Variants in NOL4L observed in about 807,000 individuals in gnomAD.
The protein encoded by NOL4L is nucleolar protein 4-like.
A neutral mutation model predicts 64.5 loss-of-function variants in NOL4L; 7 were observed. The ratio of observed to expected loss-of-function variants is 0.11; its 90% CI spans 0.06 to 0.20. The LOEUF is 0.20. Ranked by LOEUF, NOL4L falls within the 10% of genes least tolerant of loss-of-function variation. The pLI is 1.00. For synonymous variants in NOL4L, 413 were observed against 401.0 expected (o/e 1.03, Z -0.36); for missense variants, 680 against 967.1 (o/e 0.70, Z 3.94).
rs2014339240 is a variant in NOL4L, at chr20:32,464,134, T to C, written c.842-7739A>G. 6.6e-6 allele frequency among the ~76,000 whole-genome samples: 1 copy of C among 152,150 alleles called. No individual in the cohort carries two copies. Among genetic ancestry groups the C allele is most frequent in the African/African-American group, 2.4e-5 (1 of 41,436 alleles). On this transcript the variant is annotated intron_variant, in intron 5 of 10. Transcript: ENST00000621426. This position sits in a 1 kb window ranked among gnomAD's most constrained non-coding sequence, Gnocchi z 5.6. Reference sequence around the variant, plus strand: ...GCCAGGGAGGCGTGGACAGTAGGGCTATGGGCTGTGGTCTGGGGGTGCTGA... The same window carrying C: ...GCCAGGGAGGCGTGGACAGTAGGGCCATGGGCTGTGGTCTGGGGGTGCTGA...
intron 1 of NOL4L, among the ~76,000 whole-genome samples, chr20:32,559,164 G>A (rs1438940415): frequency 1.3e-5 from 2 of 152,016 alleles, no homozygotes; most frequent in Non-Finnish European, 2.9e-5. Flanking sequence ...CATAATCATC[G>A]GGTTCTGGAT....
At position 32,447,372 on chromosome 20, in the gene NOL4L, A is replaced by G; in HGVS notation, c.*224T>C. ...AGAGCTGCCCCGTTGGCCTCTTCCAAGCAGGTCAGAGCACCCGTGTGGTGA... is the reference window on the plus strand; with the variant it reads ...AGAGCTGCCCCGTTGGCCTCTTCCAGGCAGGTCAGAGCACCCGTGTGGTGA... On this transcript the variant is annotated 3_prime_UTR_variant, in exon 11 of 11. Coordinates refer to ENST00000621426, the MANE Select transcript of NOL4L (RefSeq NM_001256798.2). 1 of 602,872 alleles carries G rather than the reference A, an allele frequency of 1.7e-6. No individual in the cohort carries two copies. Among genetic ancestry groups the G allele is most frequent in the Non-Finnish European group, 2.7e-6 (1 of 367,148 alleles). 37.3% of individuals were successfully genotyped at this position (602,872 alleles called of 1,614,324 possible).
chr20:32,516,765 G>T (rs1305651491), intron 3 of NOL4L, among the ~76,000 whole-genome samples: 2 of 152,238 alleles, frequency 1.3e-5, no homozygotes, highest in Non-Finnish European at 2.9e-5. Context: ...ATGTGGAGGG[G>T]CCAGGCATGG....
At position 32,460,325 on chromosome 20, in the gene NOL4L, G is replaced by T. The variant is rs1006818227; in HGVS notation, c.842-3930C>A. Among the ~76,000 whole-genome samples, 1 of 152,110 alleles carries T rather than the reference G, an allele frequency of 6.6e-6. No individual in the cohort carries two copies. The highest frequency in any genetic ancestry group is 1.5e-5 in the Non-Finnish European group (1 of 68,014). ...CCTACTCAGAGGGACAACATGGATC[G>T]CGAAAGCCTGCCTTCCCCAGTGACA... On this transcript the variant is annotated intron_variant, in intron 5 of 10. Transcript: ENST00000621426. This position sits in a 1 kb window ranked among gnomAD's most constrained non-coding sequence, Gnocchi z 5.7.
intron 1 of NOL4L, among the ~76,000 whole-genome samples, chr20:32,547,163 A>C (rs1376440021): frequency 6.6e-6 from 1 of 152,198 alleles, no homozygotes; most frequent in Non-Finnish European, 1.5e-5. Flanking sequence ...CTCCAGCCCC[A>C]GGAGGTTGGG....
At position 32,444,793 on chromosome 20, in the gene NOL4L, A is replaced by G. The variant is rs1205362003; in HGVS notation, c.*2803T>C. 2 of 152,208 alleles carry G rather than the reference A, an allele frequency of 1.3e-5. No homozygotes were observed. Among genetic ancestry groups the G allele is most frequent in the South Asian group, 2.1e-4 (1 of 4,830 alleles). The allele number at this position is 152,208 out of a possible 1,614,324, so 9.4% of individuals were successfully genotyped here. ...CTGAGGCCCTTCAGAAGATTTTTAA[A>G]TGGCTGTGGGACAAGGGCTTTGGGA... On this transcript the variant is annotated 3_prime_UTR_variant, in exon 11 of 11. Coordinates refer to ENST00000621426, the MANE Select transcript of NOL4L (RefSeq NM_001256798.2).
intron 5 of NOL4L, among the ~76,000 whole-genome samples, chr20:32,459,304 C>T (rs1479691488): frequency 1.3e-5 from 2 of 150,760 alleles, no homozygotes; most frequent in Non-Finnish European, 2.9e-5. Context: ...ACAGCGGTGC[C>T]ATTAGGGCTC....
At chr20:32,489,536 A>G (rs1053598689) in intron 4 of NOL4L, among the ~76,000 whole-genome samples, 1 of 152,058 alleles carries the variant, frequency 6.6e-6, no homozygotes, top group Non-Finnish European at 1.5e-5. Context: ...TCATCTTTTA[A>G]ATAACTCATC....
rs2013208183 is a variant in NOL4L, at chr20:32,453,981, AG to A, written c.1120-221del. 4 of 576,876 alleles carry A rather than the reference AG, an allele frequency of 6.9e-6. No homozygotes were observed. The South Asian group carries it at 8.1e-5, about 12-fold the overall frequency. 35.7% of individuals were successfully genotyped at this position (576,876 alleles called of 1,614,324 possible). On this transcript the variant is annotated intron_variant, in intron 6 of 10. Transcript: ENST00000621426. The surrounding 1 kb of genome is among the most constrained non-coding windows in gnomAD (Gnocchi z 5.6). Reference sequence around the variant, plus strand: ...ACCACCTCCCTCCCTGGGCTGCCGCAGGGAGGACCGACTGCAATAGTGTATG... The same window carrying A: ...ACCACCTCCCTCCCTGGGCTGCCGCAGGAGGACCGACTGCAATAGTGTATG...
intron 1 of NOL4L, among the ~76,000 whole-genome samples, chr20:32,557,518 C>T (rs1048249476): frequency 1.3e-5 from 2 of 152,208 alleles, no homozygotes; most frequent in Admixed American, 6.5e-5. Flanking sequence ...CAGAGGATGG[C>T]GGAGGGCTCT....
At chr20:32,566,668 C>T (rs768416922) in intron 1 of NOL4L, among the ~76,000 whole-genome samples, 3 of 152,164 alleles carry the variant, frequency 2.0e-5, no homozygotes, top group Non-Finnish European at 2.9e-5. Flanking sequence ...TTTGCTCCTA[C>T]GGGGCTCTGC....
At chr20:32,541,320 C>T (rs985084994) in intron 1 of NOL4L, among the ~76,000 whole-genome samples, 10 of 152,218 alleles carry the variant, frequency 6.6e-5, no homozygotes, top group African/African-American at 2.4e-4. Flanking sequence ...GAATGCAGGG[C>T]ACTCTGAAGC....
At chr20:32,505,780 T>C (rs1050566198) in intron 4 of NOL4L, among the ~76,000 whole-genome samples, 5 of 151,924 alleles carry the variant, frequency 3.3e-5, no homozygotes, top group Non-Finnish European at 7.4e-5. Flanking sequence ...CTTGAAGACA[T>C]GATGCACAAA....
intron 1 of NOL4L, among the ~76,000 whole-genome samples, chr20:32,575,233 T>A (rs1352563702): frequency 6.6e-6 from 1 of 151,982 alleles, no homozygotes; most frequent in Non-Finnish European, 1.5e-5. Flanking sequence ...CCCCAACCAA[T>A]CTTGCCAGCT....
intron 5 of NOL4L, among the ~76,000 whole-genome samples, chr20:32,471,688 G>A (rs2015030277): frequency 6.6e-6 from 1 of 152,128 alleles, no homozygotes; most frequent in Non-Finnish European, 1.5e-5. Context: ...GTTGGAGGTG[G>A]GCCTGGTGGG....
At chr20:32,473,847 G>A (rs1159490220) in intron 5 of NOL4L, among the ~76,000 whole-genome samples, 5 of 152,114 alleles carry the variant, frequency 3.3e-5, no homozygotes, top group Non-Finnish European at 5.9e-5. Flanking sequence ...TCTCCTCCAC[G>A]GAAACAAAGG....
chr20:32,490,581 C>T (rs1010104294), intron 4 of NOL4L, among the ~76,000 whole-genome samples: 2 of 152,162 alleles, frequency 1.3e-5, no homozygotes, highest in Admixed American at 6.6e-5. Context: ...TGCCTGCAAC[C>T]TCACAGTCAG....
rs938597433 is a variant in NOL4L at position 32,453,935 on chromosome 20, T to G, written c.1120-174A>C. The G allele has an allele frequency of 1.6e-6, 1 of 625,442 alleles. No homozygotes were observed. The highest frequency in any genetic ancestry group is 1.8e-5 in the African/African-American group (1 of 54,334). The allele number at this position is 625,442 out of a possible 1,614,324, so 38.7% of individuals were successfully genotyped here. On this transcript the variant is annotated intron_variant, in intron 6 of 10. Coordinates refer to ENST00000621426, the MANE Select transcript of NOL4L (RefSeq NM_001256798.2). This position sits in a 1 kb window ranked among gnomAD's most constrained non-coding sequence, Gnocchi z 5.6. Reference sequence around the variant, plus strand: ...TCCCCTCTTCTGCTCCCTTCATCTGTGCAATGGGGACAGCAATGCTACCAC... The same window carrying G: ...TCCCCTCTTCTGCTCCCTTCATCTGGGCAATGGGGACAGCAATGCTACCAC...
chr20:32,537,012 TC>T, intron 1 of NOL4L: 1 of 919,008 alleles, frequency 1.1e-6, no homozygotes, highest in South Asian at 5.0e-5. Context: ...CGGCCTCGCG[TC>T]CCCCTTCCGG....
Sources: gnomAD v4.1 joint callset for allele counts (sites outside exome capture counted in the v4.1 genomes callset) on GRCh38, gnomAD v4.1.1 for gene constraint, Gnocchi (gnomAD v3.1) non-coding constraint, MANE v1.5 for transcripts, NCBI Gene and HGNC (gene_info 2026-07-23, HGNC 2026-07-21) for gene names.